SGCD: variants seen among roughly 807,000 people sequenced by gnomAD.
SGCD encodes sarcoglycan delta, also known as delta-sarcoglycan.
Under a neutral mutation model 36.6 loss-of-function variants are expected in SGCD, and 18 were observed. That is an observed-to-expected ratio of 0.49 (90% confidence interval 0.34 to 0.73). The LOEUF (loss-of-function observed/expected upper bound fraction) is 0.73. SGCD is among the 30% of genes least tolerant of loss of function. SGCD has a pLI of 0.01. For missense variants in SGCD, 387 were observed against 346.7 expected, an observed-to-expected ratio of 1.12 and a Z score of -0.92; for synonymous variants, 133 against 130.6, an observed-to-expected ratio of 1.02 and a Z score of -0.12.
intron 1 of SGCD, among the ~76,000 whole-genome samples, chr5:155,950,690 C>T (rs1581008147): frequency 6.6e-6 from 1 of 152,156 alleles, no homozygotes; most frequent in Non-Finnish European, 1.5e-5. Flanking sequence ...TATACCTGAG[C>T]TTGCTCCTGG....
chr5:156,013,979 G>A (rs182712748), intron 1 of SGCD, among the ~76,000 whole-genome samples: 16 of 150,990 alleles, frequency 1.1e-4, no homozygotes, highest in South Asian at 8.4e-4. Flanking sequence ...GGTTATTTAC[G>A]AGATAGGGAT....
intron 1 of SGCD, among the ~76,000 whole-genome samples, chr5:155,880,865 A>T (rs1165420141): frequency 1.3e-5 from 2 of 152,088 alleles, no homozygotes; most frequent in Non-Finnish European, 2.9e-5. Context: ...TCTGAACCAG[A>T]TCTATCTTTC....
At chr5:156,201,687 G>A (rs1764153871) in intron 3 of SGCD, among the ~76,000 whole-genome samples, 2 of 151,676 alleles carry the variant, frequency 1.3e-5, no homozygotes, top group South Asian at 4.1e-4. Context: ...GCCTCATGCT[G>A]CAGGAGGGAA....
the SGCD span, among the ~76,000 whole-genome samples, chr5:155,827,082 A>G: frequency 6.6e-6 from 1 of 152,218 alleles, no homozygotes; most frequent in South Asian, 2.1e-4. Context: ...TTTTTAGTTG[A>G]CCAGCCATCC....
chr5:155,778,795 T>G, the SGCD span, among the ~76,000 whole-genome samples: 1 of 152,180 alleles, frequency 6.6e-6, no homozygotes, highest in Non-Finnish European at 1.5e-5. Flanking sequence ...AACATATTAC[T>G]AAAAGAGCTA....
At chr5:155,763,052 C>A in the SGCD span, among the ~76,000 whole-genome samples, 1 of 152,182 alleles carries the variant, frequency 6.6e-6, no homozygotes, top group African/African-American at 2.4e-5. Context: ...TTGAATGGTG[C>A]TTCACTTTTA....
chr5:155,990,751 C>A (rs945818402), intron 1 of SGCD, among the ~76,000 whole-genome samples: 16 of 152,090 alleles, frequency 1.1e-4, no homozygotes, highest in Non-Finnish European at 1.8e-4. Context: ...TTATTTAATT[C>A]TTGCAGCAAC....
At chr5:155,729,269 C>T in the SGCD span, among the ~76,000 whole-genome samples, 3 of 152,234 alleles carry the variant, frequency 2.0e-5, no homozygotes, top group Admixed American at 2.0e-4. Context: ...TTTTCAGCCG[C>T]CCGCGCGTTA....
intron 1 of SGCD, among the ~76,000 whole-genome samples, chr5:155,963,890 T>G (rs1338684369): frequency 1.3e-5 from 2 of 152,118 alleles, no homozygotes; most frequent in African/African-American, 4.8e-5. Context: ...AATTGAAGCA[T>G]CAAAAAGTTG....
At chr5:155,957,350 G>C (rs1306839170) in intron 1 of SGCD, among the ~76,000 whole-genome samples, 1 of 151,962 alleles carries the variant, frequency 6.6e-6, no homozygotes, top group East Asian at 1.9e-4. Flanking sequence ...CCCCCACCAA[G>C]GTCACACTCT....
chr5:156,043,776 AG>A (rs745990917), intron 1 of SGCD, among the ~76,000 whole-genome samples: 7 of 152,212 alleles, frequency 4.6e-5, no homozygotes, highest in Non-Finnish European at 8.8e-5. Context: ...TCTTTAAAAA[AG>A]GAATTATTAC....
the SGCD span, among the ~76,000 whole-genome samples, chr5:155,728,358 T>C: frequency 1.3e-5 from 2 of 152,076 alleles, no homozygotes; most frequent in Non-Finnish European, 2.9e-5. Context: ...TCGCCCTCCA[T>C]GCTGCGGGAG....
At chr5:156,447,765 A>C (rs369348720) in intron 3 of SGCD, among the ~76,000 whole-genome samples, 3 of 152,208 alleles carry the variant, frequency 2.0e-5, no homozygotes, top group Non-Finnish European at 4.4e-5. Context: ...ATGTTCACCT[A>C]TGTAACAAAC....
chr5:156,522,813 G>A (rs1033224276), intron 4 of SGCD, among the ~76,000 whole-genome samples: 2 of 151,470 alleles, frequency 1.3e-5, no homozygotes, highest in Non-Finnish European at 2.9e-5. Flanking sequence ...GTAAATGTTG[G>A]TTCTTATTAA....
intron 1 of SGCD, among the ~76,000 whole-genome samples, chr5:155,894,464 C>T (rs1756204866): frequency 1.3e-5 from 2 of 152,130 alleles, no homozygotes; most frequent in Admixed American, 6.6e-5. Context: ...ATTAATGGTA[C>T]AAAACAGAAG....
In SGCD at chr5:156,518,042, A is replaced by G. The variant is rs138783791; in HGVS notation, c.294+9340A>G. 4.6e-3 allele frequency among the ~76,000 whole-genome samples: 703 copies of G among 152,290 alleles called. 5 individuals carry two copies. Among genetic ancestry groups the G allele is most frequent in the African/African-American group, 0.016 (652 of 41,562 alleles). On this transcript the variant is annotated intron_variant, in intron 4 of 8. Transcript: ENST00000337851. ...AATTGCCCCAATTAAAAGACACAGA[A>G]TAGCAAGCTGGATAGAGTCAAGACC... is the stretch of plus-strand genomic sequence containing the variant.
At chr5:155,983,261 G>A (rs1758265086) in intron 1 of SGCD, among the ~76,000 whole-genome samples, 1 of 152,176 alleles carries the variant, frequency 6.6e-6, no homozygotes, top group Admixed American at 6.5e-5. Context: ...AGTTTTAACA[G>A]TTAAGTATCT....
At chr5:155,798,639 G>T in the SGCD span, among the ~76,000 whole-genome samples, 11 of 152,268 alleles carry the variant, frequency 7.2e-5, no homozygotes, top group South Asian at 2.3e-3. Flanking sequence ...CATCTTAGCT[G>T]CACTTTTTAA....
In SGCD at chr5:156,740,209, C is replaced by G. The variant is rs115177134; in HGVS notation, c.576-17372C>G. On this transcript the variant is annotated intron_variant, in intron 7 of 8. Coordinates refer to ENST00000337851, the MANE Select transcript of SGCD (RefSeq NM_000337.6). ...TGCCTGGCATTAAAATCTCACTCAC[C>G]GTTACTTCAAATGTCCCATTACATT... is the stretch of plus-strand genomic sequence containing the variant. Among the ~76,000 whole-genome samples, 510 of 152,236 alleles carry G rather than the reference C, an allele frequency of 3.4e-3. 5 individuals carry two copies. The highest frequency in any genetic ancestry group is 0.011 in the African/African-American group (471 of 41,532).
Sources: gnomAD v4.1 joint callset for allele counts (sites outside exome capture counted in the v4.1 genomes callset) on GRCh38, gnomAD v4.1.1 for gene constraint, MANE v1.5 for transcripts, NCBI Gene and HGNC (gene_info 2026-07-23, HGNC 2026-07-21) for gene names.